The following SAXO3 variants were observed in gnomAD, a reference collection of about 807,000 sequenced individuals.
SAXO3 encodes stabilizer of axonemal microtubules 3.
the SAXO3 span, chr19:49,019,801 T>G: frequency 1.6e-6 from 2 of 1,229,962 alleles, no homozygotes; most frequent in Non-Finnish European, 2.2e-6. Context: ...CCAGCCGCGG[T>G]GTCTGAGCTG....
the SAXO3 span, chr19:49,019,224 C>T: frequency 7.3e-7 from 1 of 1,374,836 alleles, no homozygotes; most frequent in East Asian, 2.8e-5. Flanking sequence ...CTCCCTAAAT[C>T]CAAGCACCTT....
chr19:49,019,721 C>T, the SAXO3 span: 2 of 1,169,944 alleles, frequency 1.7e-6, no homozygotes, highest in East Asian at 6.4e-5. Context: ...GCGCGCGGGT[C>T]CCCGCTGGGA....
the SAXO3 span, chr19:49,020,311 T>G: frequency 4.7e-6 from 2 of 429,046 alleles, no homozygotes; most frequent in Non-Finnish European, 8.2e-6. Flanking sequence ...CCAATCCGCT[T>G]TATTTAGCCC....
chr19:49,019,777 G>T, the SAXO3 span: 1 of 1,228,004 alleles, frequency 8.1e-7, no homozygotes, highest in South Asian at 1.7e-5. Flanking sequence ...GTACTTTGTG[G>T]TCAGTGGGAG....
At chr19:49,020,093 G>A in the SAXO3 span, 4 of 1,349,146 alleles carry the variant, frequency 3.0e-6, no homozygotes, top group Non-Finnish European at 3.9e-6. Flanking sequence ...TTGGGGTAGA[G>A]GGTCCGCGAC....
chr19:49,020,048 T>C, the SAXO3 span: 1 of 1,434,636 alleles, frequency 7.0e-7, no homozygotes, highest in Non-Finnish European at 9.1e-7. Context: ...GAGGACCTCG[T>C]CGAAAGCCCA....
the SAXO3 span, chr19:49,019,614 C>G: frequency 7.9e-7 from 1 of 1,259,042 alleles, no homozygotes; most frequent in Non-Finnish European, 1.0e-6. Context: ...GAGCTCCGCC[C>G]CGTCTCGCCG....
chr19:49,018,999 G>A, the SAXO3 span: 1 of 1,532,542 alleles, frequency 6.5e-7, no homozygotes, highest in Non-Finnish European at 8.7e-7. Context: ...GGCAATTAGA[G>A]CCTGAGCAAG....
chr19:49,019,977 C>G, the SAXO3 span: 2 of 1,513,264 alleles, frequency 1.3e-6, no homozygotes, highest in Non-Finnish European at 1.8e-6. Context: ...CTGGGCTGGG[C>G]GCAGGGCCCG....
At chr19:49,020,489 G>C in the SAXO3 span, 1 of 398,894 alleles carries the variant, frequency 2.5e-6, no homozygotes, top group Non-Finnish European at 4.4e-6. Context: ...AGATACGACA[G>C]CCCGGAGCCA....
the SAXO3 span, chr19:49,019,453 A>G: frequency 8.0e-7 from 1 of 1,254,962 alleles, no homozygotes; most frequent in Non-Finnish European, 1.0e-6. Context: ...GCAGCTTAGG[A>G]GCCCTGAAGG....
At chr19:49,018,301 G>C in the SAXO3 span, 1 of 1,197,642 alleles carries the variant, frequency 8.3e-7, no homozygotes, top group Non-Finnish European at 1.0e-6. Context: ...AGCTCCAGTA[G>C]GTCAGGGAGT....
chr19:49,018,443 C>T, the SAXO3 span: 11 of 686,398 alleles, frequency 1.6e-5, no homozygotes, highest in Admixed American at 3.4e-4. Flanking sequence ...CCTGCATTTC[C>T]AGGCGAGCAC....
chr19:49,019,180 T>C, the SAXO3 span: 4 of 1,409,636 alleles, frequency 2.8e-6, no homozygotes, highest in African/African-American at 4.4e-5. Context: ...AACTTCAGCT[T>C]CCTTTCTCAT....
chr19:49,019,683 T>TG, the SAXO3 span: 1 of 1,230,570 alleles, frequency 8.1e-7, no homozygotes, highest in Non-Finnish European at 1.0e-6. Context: ...CTGCGAGTTG[T>TG]GGGGGCTGGG....
At chr19:49,019,229 C>T in the SAXO3 span, 1 of 1,363,180 alleles carries the variant, frequency 7.3e-7, no homozygotes, top group Non-Finnish European at 9.4e-7. Flanking sequence ...TAAATCCAAG[C>T]ACCTTCTGCT....
At chr19:49,019,840 AG>A in the SAXO3 span, 1 of 1,265,864 alleles carries the variant, frequency 7.9e-7, no homozygotes, top group Non-Finnish European at 1.1e-6. Context: ...ACTCACGTGA[AG>A]GAGCAGGGGA....
At chr19:49,019,127 C>A in the SAXO3 span, 4 of 1,429,574 alleles carry the variant, frequency 2.8e-6, no homozygotes, top group African/African-American at 1.4e-5. Flanking sequence ...GGCCCTCACA[C>A]CCCGCCCCAG....
At chr19:49,019,124 A>T in the SAXO3 span, 1 of 1,429,580 alleles carries the variant, frequency 7.0e-7, no homozygotes, top group Non-Finnish European at 9.1e-7. Flanking sequence ...CACGGCCCTC[A>T]CACCCCGCCC....
Sources: gnomAD v4.1 joint callset for allele counts on GRCh38, gnomAD v4.1.1 for gene constraint, MANE v1.5 for transcripts, NCBI Gene and HGNC (gene_info 2026-07-23, HGNC 2026-07-21) for gene names.